The following ZNF577 variants were observed in gnomAD, a reference collection of about 807,000 sequenced individuals.
The protein encoded by ZNF577 is zinc finger protein 577.
Under a neutral mutation model 13.9 loss-of-function variants are expected in ZNF577, and 14 were observed. The ratio of observed to expected loss-of-function variants is 1.00; its 90% CI spans 0.66 to 1.57. The LOEUF (loss-of-function observed/expected upper bound fraction) is 1.57, where lower values mean the gene tolerates loss of function less well. Ranked by LOEUF, ZNF577 falls within the 40% of genes most tolerant of loss-of-function variation. The probability of loss-of-function intolerance (pLI) is 0.00; values close to 1 mark genes in which losing one functional copy is unlikely to be tolerated. For synonymous variants in ZNF577, 203 were observed against 202.9 expected (o/e 1.00, Z 0.00); for missense variants, 555 against 579.2 (o/e 0.96, Z 0.43).
At chr19:51,855,973 G>A (rs1457650271) in intron 5 of ZNF577, 3 of 152,168 alleles carry the variant, frequency 2.0e-5, no homozygotes, top group Admixed American at 6.5e-5. Flanking sequence ...CAGATCTGGG[G>A]AAAGGGATAT....
chr19:51,816,862 G>C (rs10422101), intron 9 of ZNF577, among the ~76,000 whole-genome samples: 37,750 of 152,130 alleles, frequency 0.25, 4,932 homozygotes, highest in Middle Eastern at 0.35. Context: ...TTGGAAAAAA[G>C]CCCACACATA....
At chr19:51,858,501 C>T (rs1240603836) in intron 5 of ZNF577, among the ~76,000 whole-genome samples, 1 of 152,140 alleles carries the variant, frequency 6.6e-6, no homozygotes, top group African/African-American at 2.4e-5. Flanking sequence ...CCTTAAACAT[C>T]TTTATGTCTG....
intron 10 of ZNF577, among the ~76,000 whole-genome samples, chr19:51,807,991 A>G (rs773255416): frequency 1.4e-4 from 21 of 152,370 alleles, no homozygotes; most frequent in Non-Finnish European, 2.1e-4. Flanking sequence ...AACTGGCCCA[A>G]AAGTCCTGTT....
chr19:51,831,075 G>A (rs1277076676), intron 9 of ZNF577, among the ~76,000 whole-genome samples: 1 of 152,024 alleles, frequency 6.6e-6, no homozygotes, highest in Non-Finnish European at 1.5e-5. Context: ...TCTACCAAAT[G>A]TCTTAAGTCC....
chr19:51,881,847 C>T (rs565822956), intron 1 of ZNF577, among the ~76,000 whole-genome samples: 3 of 152,216 alleles, frequency 2.0e-5, no homozygotes, highest in African/African-American at 7.2e-5. Context: ...GATCAGTCTC[C>T]CCAAGAACCA....
chr19:51,830,307 A>G (rs1419424045), intron 9 of ZNF577, among the ~76,000 whole-genome samples: 1 of 152,208 alleles, frequency 6.6e-6, no homozygotes, highest in Non-Finnish European at 1.5e-5. Flanking sequence ...CTGAAAACAT[A>G]AAAACCTTTT....
At chr19:51,876,814 G>C (rs980759215) in intron 5 of ZNF577, among the ~76,000 whole-genome samples, 1 of 151,760 alleles carries the variant, frequency 6.6e-6, no homozygotes, top group Non-Finnish European at 1.5e-5. Context: ...TGTAATCCCA[G>C]CTACTCGGGA....
chr19:51,819,612 A>G (rs2084172901), intron 9 of ZNF577, among the ~76,000 whole-genome samples: 1 of 152,210 alleles, frequency 6.6e-6, no homozygotes, highest in Non-Finnish European at 1.5e-5. Flanking sequence ...GGTCATGTGT[A>G]TCCTTAGGAG....
At chr19:51,830,132 GT>G (rs1236945854) in intron 9 of ZNF577, among the ~76,000 whole-genome samples, 3 of 32,632 alleles carry the variant, frequency 9.2e-5, no homozygotes, top group Admixed American at 3.5e-4. Context: ...TGCTTCTAGT[GT>G]TTAAAAAAAA....
chr19:51,878,553 C>G, intron 3 of ZNF577, 38 bp from the exon 4 acceptor site: 2 of 1,611,046 alleles, frequency 1.2e-6, no homozygotes, highest in Non-Finnish European at 8.5e-7. Context: ...AGGTGGATAA[C>G]AATAGATGAT....
rs1405716230 is a variant in ZNF577 at position 51,857,361 on chromosome 19, G to GGAAAGAAAGAAAGAAA, written c.284-12431_284-12430insTTTCTTTCTTTCTTTC. On this transcript the variant is annotated intron_variant and NMD_transcript_variant, in intron 5 of 10. Coordinates refer to the ZNF577 transcript ENST00000638827. ...GAGAAAGAAAGAGAGAAAGAAAGAA[G>GGAAAGAAAGAAAGAAA]GAAGGAAAGAAAGAAAGAAAGAAAG... Among the ~76,000 whole-genome samples the GGAAAGAAAGAAAGAAA allele has an allele frequency of 1.3e-3, 91 of 69,126 alleles. 1 individual carries two copies. The highest frequency in any genetic ancestry group is 5.1e-3 in the African/African-American group (89 of 17,446). 45.3% of individuals were successfully genotyped at this position (69,126 alleles called of 152,430 possible).
rs186067224 is a variant in ZNF577, at chr19:51,826,656, T to C, written c.*599+13237A>G. ...ACTGTAGTATTGCAGTAAAGAAAGATGCAGTATTGCAGTAAACATGATGCT... is the reference window on the plus strand; with the variant it reads ...ACTGTAGTATTGCAGTAAAGAAAGACGCAGTATTGCAGTAAACATGATGCT... On this transcript the variant is annotated intron_variant and NMD_transcript_variant, in intron 9 of 10. Transcript: ENST00000638827. Among the ~76,000 whole-genome samples, 74 of 152,324 alleles carry C rather than the reference T, an allele frequency of 4.9e-4. 1 individual carries two copies. Among genetic ancestry groups the C allele is most frequent in the Admixed American group, 7.8e-4 (12 of 15,298 alleles).
chr19:51,825,386 G>A (rs2084225579), intron 9 of ZNF577: 1 of 167,140 alleles, frequency 6.0e-6, no homozygotes, highest in South Asian at 2.1e-4. Flanking sequence ...GGTTTTTATG[G>A]AAGCTTCATG....
intron 3 of ZNF577, among the ~76,000 whole-genome samples, chr19:51,879,874 C>T (rs1315784965): frequency 6.6e-6 from 1 of 152,188 alleles, no homozygotes; most frequent in Non-Finnish European, 1.5e-5. Flanking sequence ...ACAAGCCGAA[C>T]TGGTGCTTTG....
intron 10 of ZNF577, among the ~76,000 whole-genome samples, chr19:51,810,641 C>T (rs2084089926): frequency 6.6e-6 from 1 of 152,160 alleles, no homozygotes; most frequent in Non-Finnish European, 1.5e-5. Flanking sequence ...CATTTCTTGC[C>T]AATTTAAATT....
chr19:51,816,448 ACAT>A (rs2084137750), intron 9 of ZNF577, among the ~76,000 whole-genome samples: 1 of 152,216 alleles, frequency 6.6e-6, no homozygotes, highest in Non-Finnish European at 1.5e-5. Flanking sequence ...AGGTTTTGCC[ACAT>A]TGGCCAGACT....
rs150301895 is a variant in ZNF577, at chr19:51,877,353, G to C, written c.212C>G (p.Ser71Trp). 1 of 1,613,966 alleles carries C rather than the reference G, an allele frequency of 6.2e-7. No individual in the cohort carries two copies. Among genetic ancestry groups the C allele is most frequent in the Non-Finnish European group, 8.5e-7 (1 of 1,179,982 alleles). Residue 71 changes from serine to tryptophan, a missense_variant, in exon 5 of 6, where the codon TCG (serine) becomes TGG (tryptophan). Physicochemically the swap from Ser to Trp is radical, Grantham distance 177 (BLOSUM62 -3). Coordinates refer to ENST00000638348, the MANE Select transcript of ZNF577 (RefSeq NM_001370449.1). ...SIGYRGTKPD[S>W]LFKLEQGEPP... is the part of the protein sequence containing the mutation. ...TTCTCCTTGCTCCAACTTGAAGAGC[G>C]AATCTGGCTTGGTGCCTCGATACCC...
At chr19:51,835,813 C>T (rs1368741459) in intron 9 of ZNF577, among the ~76,000 whole-genome samples, 1 of 152,166 alleles carries the variant, frequency 6.6e-6, no homozygotes, top group Non-Finnish European at 1.5e-5. Context: ...CTGTCTCAGC[C>T]TCCTGAGTAG....
At chr19:51,816,562 T>C (rs1011497514) in intron 9 of ZNF577, among the ~76,000 whole-genome samples, 5 of 152,240 alleles carry the variant, frequency 3.3e-5, no homozygotes, top group African/African-American at 1.2e-4. Context: ...ATGTACTCTT[T>C]AGAATAAACC....
Sources: gnomAD v4.1 joint callset for allele counts (sites outside exome capture counted in the v4.1 genomes callset) on GRCh38, gnomAD v4.1.1 for gene constraint, MANE v1.5 for transcripts, NCBI Gene and HGNC (gene_info 2026-07-23, HGNC 2026-07-21) for gene names.